The following CSMD1 variants were observed in gnomAD, a reference collection of about 807,000 sequenced individuals.
CSMD1 encodes CUB and Sushi multiple domains 1.
In CSMD1, 213 loss-of-function variants were observed where a neutral mutation model predicts 417.5. The observed-to-expected ratio is 0.51, with a 90% CI of 0.46 to 0.57. The LOEUF is 0.57. CSMD1 is among the 20% of genes least tolerant of loss of function. The pLI is 0.00. For synonymous variants in CSMD1, 2,862 were observed against 1,736.8 expected, an observed-to-expected ratio of 1.65 and a Z score of -16.11; for missense variants, 6,923 against 4,529.7, an observed-to-expected ratio of 1.53 and a Z score of -15.17.
intron 3 of CSMD1, among the ~76,000 whole-genome samples, chr8:4,134,303 T>A (rs2680593): frequency 0.18 from 27,433 of 152,054 alleles, 2,678 homozygotes; most frequent in East Asian, 0.3. Flanking sequence ...AGCCTTTAGG[T>A]TGGTGATTAA....
intron 5 of CSMD1, among the ~76,000 whole-genome samples, chr8:3,911,327 A>G (rs1027991415): frequency 2.6e-5 from 4 of 151,280 alleles, no homozygotes; most frequent in Non-Finnish European, 5.9e-5. Flanking sequence ...TTGAAAGGCT[A>G]TATATCCTAG....
chr8:4,385,847 A>G (rs946256978), intron 3 of CSMD1, among the ~76,000 whole-genome samples: 22 of 152,304 alleles, frequency 1.4e-4, no homozygotes, highest in Non-Finnish European at 3.1e-4. Context: ...AACTGTTAAA[A>G]TCTGGATATT....
At chr8:4,225,757 G>T (rs764028184) in intron 3 of CSMD1, among the ~76,000 whole-genome samples, 1 of 151,876 alleles carries the variant, frequency 6.6e-6, no homozygotes, top group Admixed American at 6.6e-5. Context: ...GGTTTCAATG[G>T]GGCCAATCTA....
intron 10 of CSMD1, among the ~76,000 whole-genome samples, chr8:3,548,334 G>C (rs1293814181): frequency 6.6e-6 from 1 of 152,032 alleles, no homozygotes; most frequent in East Asian, 1.9e-4. Flanking sequence ...GGAACAGGTG[G>C]TATTTGGTTA....
intron 2 of CSMD1, among the ~76,000 whole-genome samples, chr8:4,436,763 C>G (rs576227561): frequency 6.6e-6 from 1 of 152,280 alleles, no homozygotes; most frequent in African/African-American, 2.4e-5. Context: ...AATAAGTGAT[C>G]ATGTGATATT....
intron 7 of CSMD1, among the ~76,000 whole-genome samples, chr8:3,656,932 A>AG (rs1798141080): frequency 6.6e-6 from 1 of 151,788 alleles, no homozygotes; most frequent in African/African-American, 2.4e-5. Flanking sequence ...CTAAAAAAAA[A>AG]AAAAGCCTTT....
At chr8:4,321,862 G>A (rs1335059491) in intron 3 of CSMD1, among the ~76,000 whole-genome samples, 1 of 152,024 alleles carries the variant, frequency 6.6e-6, no homozygotes, top group Admixed American at 6.6e-5. Context: ...TCATTCAGAA[G>A]AAATGAATAA....
At chr8:4,427,856 T>C (rs1389880934) in intron 2 of CSMD1, among the ~76,000 whole-genome samples, 1 of 152,184 alleles carries the variant, frequency 6.6e-6, no homozygotes, top group East Asian at 1.9e-4. Context: ...TAAAACCCTG[T>C]TGAATTTTAA....
chr8:3,461,716 C>G (rs1244044725), intron 12 of CSMD1, among the ~76,000 whole-genome samples: 1 of 152,196 alleles, frequency 6.6e-6, no homozygotes, highest in Admixed American at 6.5e-5. Context: ...TGGCCCTAAT[C>G]AGGAGAAAAA....
chr8:4,963,944 A>T (rs1309514396), intron 1 of CSMD1, among the ~76,000 whole-genome samples: 1 of 152,184 alleles, frequency 6.6e-6, no homozygotes, highest in Non-Finnish European at 1.5e-5. Flanking sequence ...AAACAAGCTG[A>T]TTTCATACCA....
At chr8:3,733,547 T>C (rs1012226438) in intron 6 of CSMD1, among the ~76,000 whole-genome samples, 2 of 152,042 alleles carry the variant, frequency 1.3e-5, no homozygotes, top group East Asian at 1.9e-4. Context: ...AAAAAACAAC[T>C]CTTAAGTTGT....
rs1264202207 is a variant in CSMD1, at chr8:4,077,291, A to ATGTG, written c.416-45193_416-45192insCACA. 3.0e-3 allele frequency among the ~76,000 whole-genome samples: 280 copies of ATGTG among 92,184 alleles called. 2 individuals carry two copies. The highest frequency in any genetic ancestry group is 9.4e-3 in the African/African-American group (268 of 28,488). The allele number at this position is 92,184 out of a possible 152,430, so 60.5% of individuals were successfully genotyped here. ...GCCCATTTGTCACCTATATATATAT[A>ATGTG]TATGTGTATATATATATATATATAT... On this transcript the variant is annotated intron_variant, in intron 3 of 69. Transcript: ENST00000635120.
chr8:3,992,126 G>A (rs896421088), intron 5 of CSMD1, among the ~76,000 whole-genome samples: 4 of 150,158 alleles, frequency 2.7e-5, no homozygotes, highest in Non-Finnish European at 3.0e-5. Flanking sequence ...GTATATATAT[G>A]TGTGTGTGTG....
At chr8:4,031,857 A>C (rs773241269) in intron 4 of CSMD1, 48 bp downstream of exon 4, 1 of 1,421,852 alleles carries the variant, frequency 7.0e-7, no homozygotes, top group Admixed American at 2.4e-5. Flanking sequence ...CTCCAAAACC[A>C]TTGCCCTGCC....
intron 5 of CSMD1, among the ~76,000 whole-genome samples, chr8:3,914,299 A>T (rs772787553): frequency 2.0e-5 from 3 of 152,170 alleles, no homozygotes; most frequent in Non-Finnish European, 2.9e-5. Context: ...CAGGTAGCTC[A>T]TGGTTTTTAA....
At chr8:4,403,159 C>G (rs535368252) in intron 3 of CSMD1, among the ~76,000 whole-genome samples, 240 of 152,230 alleles carry the variant, frequency 1.6e-3, no homozygotes, top group African/African-American at 5.6e-3. Context: ...AAAGCTTCCA[C>G]TTTTACATAA....
intron 2 of CSMD1, among the ~76,000 whole-genome samples, chr8:4,443,650 T>C (rs975681995): frequency 3.3e-5 from 5 of 152,204 alleles, no homozygotes; most frequent in Non-Finnish European, 7.3e-5. Context: ...GCCGTTGACG[T>C]GCAGTTAAAG....
At chr8:4,219,338 T>A (rs955035186) in intron 3 of CSMD1, among the ~76,000 whole-genome samples, 1 of 152,220 alleles carries the variant, frequency 6.6e-6, no homozygotes, top group South Asian at 2.1e-4. Flanking sequence ...CTTTCGTAAC[T>A]TGAGCTGGAA....
At chr8:3,498,630 T>C (rs1796465150) in intron 10 of CSMD1, among the ~76,000 whole-genome samples, 1 of 152,220 alleles carries the variant, frequency 6.6e-6, no homozygotes, top group Non-Finnish European at 1.5e-5. Context: ...AGAACTCCCA[T>C]AATGGGAATA....
Sources: allele counts gnomAD v4.1 joint callset (sites outside exome capture counted in the v4.1 genomes callset), GRCh38; gene constraint gnomAD v4.1.1; transcripts MANE v1.5; gene names NCBI Gene and HGNC (gene_info 2026-07-23, HGNC 2026-07-21).